CCNK: variants seen among roughly 807,000 people sequenced by gnomAD.
CCNK encodes the protein cyclin-K.
In CCNK, 9 loss-of-function variants were observed where a neutral mutation model predicts 65.0. The ratio of observed to expected loss-of-function variants is 0.14; its 90% CI spans 0.08 to 0.24. CCNK has a LOEUF of 0.24. CCNK is among the 10% of genes least tolerant of loss of function. The pLI is 1.00. For synonymous variants in CCNK, 279 were observed against 270.8 expected (o/e 1.03, Z -0.30); for missense variants, 474 against 720.0 (o/e 0.66, Z 3.91).
intron 8 of CCNK, 52 bp from the exon 9 acceptor site, chr14:99,503,559 C>A: frequency 6.9e-7 from 1 of 1,443,548 alleles, no homozygotes; most frequent in Admixed American, 2.1e-5. Flanking sequence ...CCATTTTTTT[C>A]TCATCATACT....
chr14:99,495,481 T>A lies in CCNK; in HGVS notation c.280-17T>A, dbSNP rs1248017992. The A allele has an allele frequency of 1.3e-6, 2 of 1,595,396 alleles. No individual in the cohort carries two copies. Among genetic ancestry groups the A allele is most frequent in the Non-Finnish European group, 1.7e-6 (2 of 1,174,622 alleles). On this transcript the variant is annotated splice_polypyrimidine_tract_variant and intron_variant, in intron 3 of 10. Transcript: ENST00000389879. The stretch of plus-strand genomic sequence containing the variant: ...ACCTTTGATAACAAAAATCAAGAAC[T>A]TTTGTTTCCCTTTTAGGTGACAGGA...
chr14:99,510,788 G>A lies in CCNK; in HGVS notation c.*6G>A. Reference sequence around the variant, plus strand: ...GGGCAGCCTGGATGAGATAACGTGAGCCTTTTTTCCCTCTTTGTTTTTTTA... The same window carrying A: ...GGGCAGCCTGGATGAGATAACGTGAACCTTTTTTCCCTCTTTGTTTTTTTA... On this transcript the variant is annotated 3_prime_UTR_variant, in exon 11 of 11. Transcript: ENST00000389879. The A allele has an allele frequency of 7.0e-7, 1 of 1,425,400 alleles. No individual in the cohort carries two copies. Among genetic ancestry groups the A allele is most frequent in the Non-Finnish European group, 9.2e-7 (1 of 1,089,926 alleles). 88.3% of individuals were successfully genotyped at this position (1,425,400 alleles called of 1,614,324 possible).
chr14:99,484,342 G>A (rs1355023400), intron 1 of CCNK, among the ~76,000 whole-genome samples: 2 of 152,202 alleles, frequency 1.3e-5, no homozygotes, highest in African/African-American at 4.8e-5. Flanking sequence ...ACATGTTACT[G>A]CATGTTAGTT....
chr14:99,510,836 C>A lies in CCNK; in HGVS notation c.*54C>A. 1 of 1,364,568 alleles carries A rather than the reference C, an allele frequency of 7.3e-7. No individual in the cohort carries two copies. The highest frequency in any genetic ancestry group is 2.1e-5 in the South Asian group (1 of 48,606). The allele number at this position is 1,364,568 out of a possible 1,614,324, so 84.5% of individuals were successfully genotyped here. Reference sequence around the variant, plus strand: ...TTAACAAGATTTTCTAATCGACTTGCAGAGTAGTTGAAGTGGGTAAGCAGC... The same window carrying A: ...TTAACAAGATTTTCTAATCGACTTGAAGAGTAGTTGAAGTGGGTAAGCAGC... On this transcript the variant is annotated 3_prime_UTR_variant, in exon 11 of 11. Transcript: ENST00000389879.
chr14:99,485,673 C>G (rs1353846244), intron 1 of CCNK, among the ~76,000 whole-genome samples: 1 of 152,176 alleles, frequency 6.6e-6, no homozygotes, highest in Non-Finnish European at 1.5e-5. Flanking sequence ...CCCTGTTACT[C>G]TCTTTGAGAA....
chr14:99,483,401 AAAT>A (rs1449897207), intron 1 of CCNK, among the ~76,000 whole-genome samples: 1 of 152,100 alleles, frequency 6.6e-6, no homozygotes, highest in Non-Finnish European at 1.5e-5. Context: ...AAAAATCAAA[AAAT>A]TAGCCAGATG....
At chr14:99,499,681 C>A (rs1243152668) in intron 4 of CCNK, among the ~76,000 whole-genome samples, 1 of 152,108 alleles carries the variant, frequency 6.6e-6, no homozygotes, top group Non-Finnish European at 1.5e-5. Flanking sequence ...GGGCTGAGTT[C>A]AAGACATTAG....
chr14:99,506,003 T>A (rs1896964006), intron 9 of CCNK: 1 of 152,334 alleles, frequency 6.6e-6, no homozygotes, highest in Non-Finnish European at 1.5e-5. Flanking sequence ...GAGGTGAGAG[T>A]AATAGCAGTT....
chr14:99,498,948 A>G (rs1896760310), intron 4 of CCNK, among the ~76,000 whole-genome samples: 1 of 152,230 alleles, frequency 6.6e-6, no homozygotes, highest in Non-Finnish European at 1.5e-5. Flanking sequence ...GCCAATTGGT[A>G]CACTTGGTAA....
chr14:99,509,939 C>T lies in CCNK; in HGVS notation c.1118-218C>T, dbSNP rs879151147. 4 of 596,998 alleles carry T rather than the reference C, an allele frequency of 6.7e-6. No homozygotes were observed. In the South Asian group the frequency reaches 8.0e-5, roughly 12 times the overall value. The allele number at this position is 596,998 out of a possible 1,614,324, so 37.0% of individuals were successfully genotyped here. On this transcript the variant is annotated intron_variant, in intron 10 of 10. Coordinates refer to ENST00000389879, the MANE Select transcript of CCNK (RefSeq NM_001099402.2). ...GGTCAGGGCTGAGGGAGGGAAAACC[C>T]CAGGTCGTCGCAGACAGGGTGGAGG...
intron 6 of CCNK, 82 bp from the exon 7 acceptor site, chr14:99,502,121 ATGGT>A (rs1370567347): frequency 1.5e-6 from 2 of 1,365,418 alleles, no homozygotes; most frequent in East Asian, 5.2e-5. Flanking sequence ...AAGCAAATTA[ATGGT>A]TAGTTATGGC....
chr14:99,502,438 T>C (rs1467502638), intron 7 of CCNK, 62 bp downstream of exon 7: 14 of 1,563,772 alleles, frequency 9.0e-6, no homozygotes, highest in Non-Finnish European at 1.1e-5. Flanking sequence ...CTTCCATGTG[T>C]ACCCTGAGTC....
At chr14:99,510,114 A>T (rs772175057) in intron 10 of CCNK, 43 bp from the exon 11 acceptor site, 7 of 1,554,598 alleles carry the variant, frequency 4.5e-6, no homozygotes, top group Non-Finnish European at 6.1e-6. Context: ...AAAAGCAACC[A>T]TTGCTGGCGG....
At position 99,499,285 on chromosome 14, in the gene CCNK, G is replaced by A. The variant is rs1390348343; in HGVS notation, c.412-1481G>A. ...ACTCCTGACCTCAAGTGATCTGCCC[G>A]CCTCGGCCTCCCAAAGTGCTGGGAT... On this transcript the variant is annotated intron_variant, in intron 4 of 10. Transcript: ENST00000389879. Among the ~76,000 whole-genome samples the A allele has an allele frequency of 1.3e-5, 2 of 152,142 alleles. 1 individual carries two copies. Among genetic ancestry groups the A allele is most frequent in the Admixed American group, 1.3e-4 (2 of 15,282 alleles).
rs1359560301 is a variant in CCNK, at chr14:99,510,545, T to C, written c.1506T>C (p.Pro502=). 6.2e-6 allele frequency: 2 copies of C among 323,082 alleles called. No homozygotes were observed. The highest frequency in any genetic ancestry group is 9.5e-5 in the East Asian group (1 of 10,526). The allele number at this position is 323,082 out of a possible 1,614,324, so 20.0% of individuals were successfully genotyped here. A position where few individuals can be genotyped will look rare whatever the true frequency, so the allele number is the denominator to read the frequency against. Residue 502 remains proline (P), a synonymous_variant, in exon 11 of 11, where the codon CCT becomes CCC. Coordinates refer to ENST00000389879, the MANE Select transcript of CCNK (RefSeq NM_001099402.2). ...ASFPPPAIPP[P]TPGYPPPPPT... The stretch of plus-strand genomic sequence containing the variant: ...TCCCCCCACCTGCCATCCCACCCCC[T>C]ACTCCTGGCTACCCCCCACCCCCAC...
chr14:99,504,014 C>T, intron 9 of CCNK: 1 of 360,714 alleles, frequency 2.8e-6, no homozygotes, highest in South Asian at 2.1e-5. Context: ...TGCGGGGGGG[C>T]AGTAGGGGGT....
At chr14:99,503,143 A>G (rs1314925262) in intron 8 of CCNK, 159 bp downstream of exon 8, 7 of 849,124 alleles carry the variant, frequency 8.2e-6, no homozygotes, top group Non-Finnish European at 1.4e-5. Context: ...GAGCCTGAAA[A>G]CAAAGGTGCT....
chr14:99,499,547 A>G (rs999646344), intron 4 of CCNK, among the ~76,000 whole-genome samples: 1 of 152,230 alleles, frequency 6.6e-6, no homozygotes, highest in Non-Finnish European at 1.5e-5. Flanking sequence ...TGAGATTTAC[A>G]GTCCTCTACA....
Position 99,511,803 on chromosome 14 carries a change from C to T in CCNK, c.*1021C>T, listed in dbSNP as rs1238785380. Reference sequence around the variant, plus strand: ...CTTTGAAGCCTTGCTGCGTAGAACGCACACAGGAACCCGGGGGCTTGGATT... The same window carrying T: ...CTTTGAAGCCTTGCTGCGTAGAACGTACACAGGAACCCGGGGGCTTGGATT... On this transcript the variant is annotated 3_prime_UTR_variant, in exon 11 of 11. Transcript: ENST00000389879. 2.6e-5 allele frequency: 4 copies of T among 152,592 alleles called. No individual in the cohort carries two copies. Among genetic ancestry groups the T allele is most frequent in the African/African-American group, 9.6e-5 (4 of 41,462 alleles). The allele number at this position is 152,592 out of a possible 1,614,324, so 9.5% of individuals were successfully genotyped here. A position where few individuals can be genotyped will look rare whatever the true frequency, so the allele number is the denominator to read the frequency against.
Sources: gnomAD v4.1 joint callset for allele counts (sites outside exome capture counted in the v4.1 genomes callset) on GRCh38, gnomAD v4.1.1 for gene constraint, MANE v1.5 for transcripts, NCBI Gene and HGNC (gene_info 2026-07-23, HGNC 2026-07-21) for gene names.